Variants in SCFD2 observed in about 807,000 individuals in gnomAD.
SCFD2 encodes the protein sec1 family domain containing 2.
Under a neutral mutation model 58.9 loss-of-function variants are expected in SCFD2, and 54 were observed. That is an observed-to-expected ratio of 0.92 (90% CI 0.74 to 1.15). SCFD2 has a LOEUF of 1.15. Ranked by LOEUF, SCFD2 falls within the 50% of genes most tolerant of loss-of-function variation. The probability of loss-of-function intolerance (pLI) is 0.00; values close to 1 mark genes in which losing one functional copy is unlikely to be tolerated. For synonymous variants in SCFD2, 321 were observed against 335.9 expected (o/e 0.96, Z 0.49); for missense variants, 805 against 836.6 (o/e 0.96, Z 0.47).
At chr4:53,186,739 C>A (rs959259088) in intron 4 of SCFD2, among the ~76,000 whole-genome samples, 1 of 151,882 alleles carries the variant, frequency 6.6e-6, no homozygotes, top group Non-Finnish European at 1.5e-5. Flanking sequence ...ACACCAAGAG[C>A]AAAATCAAGC....
chr4:52,898,275 C>A (rs1324208156), intron 7 of SCFD2, among the ~76,000 whole-genome samples: 2 of 152,312 alleles, frequency 1.3e-5, no homozygotes, highest in Middle Eastern at 3.4e-3. Flanking sequence ...TTCCTGCTAT[C>A]TCTTGTGGGC....
At chr4:53,252,266 T>C (rs1449218571) in intron 4 of SCFD2, among the ~76,000 whole-genome samples, 15 of 146,988 alleles carry the variant, frequency 1.0e-4, no homozygotes, top group Admixed American at 6.9e-5. Flanking sequence ...CATTCCATGC[T>C]CATGGGTAGG....
intron 5 of SCFD2, among the ~76,000 whole-genome samples, chr4:52,971,712 T>C (rs1206548657): frequency 6.6e-6 from 1 of 152,050 alleles, no homozygotes; most frequent in East Asian, 1.9e-4. Flanking sequence ...GACACATAAT[T>C]GTCAGATTCA....
At chr4:52,978,050 A>C (rs1721292148) in intron 5 of SCFD2, among the ~76,000 whole-genome samples, 3 of 152,216 alleles carry the variant, frequency 2.0e-5, no homozygotes, top group Admixed American at 2.0e-4. Flanking sequence ...TGTTTTGTTC[A>C]CTGCTGTATC....
chr4:53,122,649 T>C (rs746107490), intron 5 of SCFD2, among the ~76,000 whole-genome samples: 1 of 152,130 alleles, frequency 6.6e-6, no homozygotes, highest in Non-Finnish European at 1.5e-5. Context: ...TGGGCCTACA[T>C]TTGAATTGTA....
intron 4 of SCFD2, among the ~76,000 whole-genome samples, chr4:53,245,229 G>T (rs1462039334): frequency 6.6e-6 from 1 of 151,648 alleles, no homozygotes; most frequent in Non-Finnish European, 1.5e-5. Flanking sequence ...AAATTGAAAA[G>T]GAGGGACTCT....
chr4:53,341,549 G>A (rs529749375), intron 2 of SCFD2, among the ~76,000 whole-genome samples: 1 of 152,288 alleles, frequency 6.6e-6, no homozygotes, highest in Non-Finnish European at 1.5e-5. Flanking sequence ...TATTTTCCAG[G>A]AAAACTTCCC....
chr4:53,194,177 C>A (rs1012183283), intron 4 of SCFD2, among the ~76,000 whole-genome samples: 1 of 152,102 alleles, frequency 6.6e-6, no homozygotes, highest in African/African-American at 2.4e-5. Flanking sequence ...ATTTAAAATA[C>A]TATAGTTACA....
intron 4 of SCFD2, among the ~76,000 whole-genome samples, chr4:53,149,627 T>C (rs1237036335): frequency 1.3e-5 from 2 of 152,220 alleles, no homozygotes; most frequent in Admixed American, 6.5e-5. Flanking sequence ...AAAAGTAGAA[T>C]ATTTTTAGAA....
chr4:53,183,541 T>C (rs1285804642), intron 4 of SCFD2, among the ~76,000 whole-genome samples: 3 of 151,906 alleles, frequency 2.0e-5, no homozygotes, highest in Admixed American at 1.3e-4. Flanking sequence ...TTAGGAGATA[T>C]ACCTAATACT....
chr4:53,151,931 C>T (rs1726520793), intron 4 of SCFD2, among the ~76,000 whole-genome samples: 1 of 152,162 alleles, frequency 6.6e-6, no homozygotes, highest in African/African-American at 2.4e-5. Context: ...GGAGGTACCA[C>T]ACTCTTTTAA....
chr4:53,185,668 G>T (rs1272608570), intron 4 of SCFD2, among the ~76,000 whole-genome samples: 1 of 151,904 alleles, frequency 6.6e-6, no homozygotes, highest in Non-Finnish European at 1.5e-5. Flanking sequence ...AGTAATAAAA[G>T]GCATACCCAT....
intron 5 of SCFD2, among the ~76,000 whole-genome samples, chr4:53,028,799 T>A (rs1722544864): frequency 6.6e-6 from 1 of 152,146 alleles, no homozygotes; most frequent in Non-Finnish European, 1.5e-5. Flanking sequence ...CAAACTAAGT[T>A]TTTTTCTCAA....
intron 7 of SCFD2, among the ~76,000 whole-genome samples, chr4:52,903,263 G>A (rs1430927668): frequency 6.6e-6 from 1 of 152,216 alleles, no homozygotes; most frequent in African/African-American, 2.4e-5. Context: ...GCACATCAAT[G>A]CATGGTGGGC....
chr4:53,346,191 A>G (rs771415792), intron 2 of SCFD2, among the ~76,000 whole-genome samples: 1 of 152,116 alleles, frequency 6.6e-6, no homozygotes, highest in Admixed American at 6.5e-5. Flanking sequence ...ATAGTAGACA[A>G]TGACTGAAGT....
At chr4:53,013,599 T>C (rs1010491021) in intron 5 of SCFD2, among the ~76,000 whole-genome samples, 2 of 152,188 alleles carry the variant, frequency 1.3e-5, no homozygotes, top group African/African-American at 4.8e-5. Flanking sequence ...AAACTACTCA[T>C]GAGTACTCTT....
chr4:53,150,551 T>C lies in SCFD2; in HGVS notation c.1312-4969A>G, dbSNP rs543047731. Among the ~76,000 whole-genome samples the C allele has an allele frequency of 2.9e-4, 44 of 152,158 alleles. 1 individual carries two copies. The highest frequency in any genetic ancestry group is 6.0e-4 in the Non-Finnish European group (41 of 68,028). Reference sequence around the variant, plus strand: ...GAAAAAAAATCCGTGACTCCATAGATTGAAAATGTTTTAAAGGCAGAAGAT... The same window carrying C: ...GAAAAAAAATCCGTGACTCCATAGACTGAAAATGTTTTAAAGGCAGAAGAT... On this transcript the variant is annotated intron_variant, in intron 4 of 8. Coordinates refer to ENST00000401642, the MANE Select transcript of SCFD2 (RefSeq NM_152540.4).
At chr4:52,902,517 G>T (rs181179318) in intron 7 of SCFD2, among the ~76,000 whole-genome samples, 1 of 152,270 alleles carries the variant, frequency 6.6e-6, no homozygotes, top group East Asian at 1.9e-4. Context: ...CAACAATTAG[G>T]CTTTGTGCCC....
chr4:53,214,482 G>A (rs931340832), intron 4 of SCFD2, among the ~76,000 whole-genome samples: 2 of 151,796 alleles, frequency 1.3e-5, no homozygotes, highest in African/African-American at 4.9e-5. Flanking sequence ...TCATATCCTT[G>A]GCCCACTTTT....
Sources: gnomAD v4.1 joint callset for allele counts (sites outside exome capture counted in the v4.1 genomes callset) on GRCh38, gnomAD v4.1.1 for gene constraint, MANE v1.5 for transcripts, NCBI Gene and HGNC (gene_info 2026-07-23, HGNC 2026-07-21) for gene names.